SLIT2: variants seen among roughly 807,000 people sequenced by gnomAD.
SLIT2 encodes the protein slit homolog 2 protein.
A neutral mutation model predicts 185.7 loss-of-function variants in SLIT2; 41 were observed. That is an observed-to-expected ratio of 0.22 (90% CI 0.17 to 0.29). The LOEUF is 0.29. Among genes scored for constraint, SLIT2 ranks in the 10% least tolerant of loss-of-function variants. The probability of loss-of-function intolerance (pLI) is 1.00; values close to 1 mark genes in which losing one functional copy is unlikely to be tolerated. For missense variants in SLIT2, 1,571 were observed against 1,909.0 expected (o/e 0.82, Z 3.30); for synonymous variants, 693 against 680.2 (o/e 1.02, Z -0.29).
rs1718082271 is a variant in SLIT2, at chr4:20,311,289, T to A, written c.395+42408T>A. Reference sequence around the variant, plus strand: ...AACAGTTTTAAACTTTGTATCTAATTTTAAAACCATGCTCTTAAAATAAGA... The same window carrying A: ...AACAGTTTTAAACTTTGTATCTAATATTAAAACCATGCTCTTAAAATAAGA... On this transcript the variant is annotated intron_variant, in intron 4 of 36. Transcript: ENST00000504154. 2.0e-5 allele frequency among the ~76,000 whole-genome samples: 3 copies of A among 152,364 alleles called. 1 individual carries two copies. The Middle Eastern group carries it at 0.01, about 518-fold the overall frequency.
At chr4:20,516,691 A>G (rs1235702468) in intron 11 of SLIT2, among the ~76,000 whole-genome samples, 1 of 152,074 alleles carries the variant, frequency 6.6e-6, no homozygotes. Flanking sequence ...TATTTTAACT[A>G]ATTTTCCTTG....
chr4:20,615,334 G>T (rs1729568898), intron 34 of SLIT2: 1 of 152,140 alleles, frequency 6.6e-6, no homozygotes. Flanking sequence ...TCACAGCCAA[G>T]AGACTTCATT....
rs1722111053 is a variant in SLIT2 at position 20,252,398 on chromosome 4, G to A, written c.-1418G>A. 1.3e-5 allele frequency among the ~76,000 whole-genome samples: 2 copies of A among 152,138 alleles called. No homozygotes were observed. The highest frequency in any genetic ancestry group is 1.3e-4 in the Admixed American group (2 of 15,284). On this transcript the variant is annotated 5_prime_UTR_variant, in exon 1 of 37. Coordinates refer to ENST00000504154, the MANE Select transcript of SLIT2 (RefSeq NM_004787.4). ...GGAGGCCAGGAAAGCAGCGGGAGAG[G>A]GGAAGGGGCTAGAAGGAGAAGGACT...
intron 4 of SLIT2, among the ~76,000 whole-genome samples, chr4:20,421,115 T>A (rs1577624405): frequency 1.3e-5 from 2 of 152,198 alleles, no homozygotes; most frequent in East Asian, 3.8e-4. Context: ...ATTAGTAGTG[T>A]CAGCATTTTA....
chr4:20,293,774 G>T (rs1011660796), intron 4 of SLIT2, among the ~76,000 whole-genome samples: 14 of 152,164 alleles, frequency 9.2e-5, no homozygotes, highest in Non-Finnish European at 2.1e-4. Flanking sequence ...AGAGACAGGT[G>T]TCAGATATAT....
chr4:20,325,222 A>G lies in SLIT2; in HGVS notation c.395+56341A>G, dbSNP rs77408343. ...GAAGATGGCTTTCAAACTGCTCTCA[A>G]GTTGATCTTACTTCTGCTCAAGGGA... On this transcript the variant is annotated intron_variant, in intron 4 of 36. Transcript: ENST00000504154. 1.4e-3 allele frequency among the ~76,000 whole-genome samples: 208 copies of G among 151,980 alleles called. 1 individual carries two copies. Among genetic ancestry groups the G allele is most frequent in the African/African-American group, 4.7e-3 (196 of 41,444 alleles).
chr4:20,486,494 A>C (rs1311418828), intron 7 of SLIT2, among the ~76,000 whole-genome samples: 1 of 152,122 alleles, frequency 6.6e-6, no homozygotes, highest in African/African-American at 2.4e-5. Flanking sequence ...TTGGAGTTAA[A>C]AAAAAACAAC....
intron 4 of SLIT2, among the ~76,000 whole-genome samples, chr4:20,444,453 T>C (rs192003284): frequency 7.4e-4 from 113 of 152,222 alleles, no homozygotes; most frequent in African/African-American, 2.6e-3. Context: ...TTTACTGTAG[T>C]TGTGGTAGGT....
At chr4:20,449,044 G>T (rs961829128) in intron 4 of SLIT2, among the ~76,000 whole-genome samples, 4 of 152,052 alleles carry the variant, frequency 2.6e-5, no homozygotes, top group African/African-American at 4.8e-5. Context: ...GTGAATGTTT[G>T]TTGCTTTTCT....
At chr4:20,429,739 A>G (rs1728825583) in intron 4 of SLIT2, among the ~76,000 whole-genome samples, 1 of 152,136 alleles carries the variant, frequency 6.6e-6, no homozygotes, top group Non-Finnish European at 1.5e-5. Flanking sequence ...GAGAGAGAGA[A>G]ATCAGGAAAT....
At chr4:20,316,792 A>T (rs1026318847) in intron 4 of SLIT2, among the ~76,000 whole-genome samples, 2 of 149,118 alleles carry the variant, frequency 1.3e-5, no homozygotes, top group African/African-American at 4.9e-5. Context: ...TTTGGGTAGC[A>T]TTATTATATT....
chr4:20,455,909 G>A (rs769332520), intron 4 of SLIT2, among the ~76,000 whole-genome samples: 1 of 151,930 alleles, frequency 6.6e-6, no homozygotes, highest in Non-Finnish European at 1.5e-5. Flanking sequence ...TTATTTCTAG[G>A]CATTTTTTCA....
chr4:20,328,265 A>G (rs969546395), intron 4 of SLIT2, among the ~76,000 whole-genome samples: 1 of 152,120 alleles, frequency 6.6e-6, no homozygotes, highest in Admixed American at 6.6e-5. Context: ...AATTTGATGA[A>G]TGACACATAG....
chr4:20,383,771 C>T (rs761027333), intron 4 of SLIT2, among the ~76,000 whole-genome samples: 6 of 152,064 alleles, frequency 3.9e-5, no homozygotes, highest in Non-Finnish European at 8.8e-5. Context: ...GGCACAATCT[C>T]GGCTCACTGC....
intron 4 of SLIT2, among the ~76,000 whole-genome samples, chr4:20,369,893 C>G (rs1239605328): frequency 3.3e-5 from 5 of 152,098 alleles, no homozygotes; most frequent in Non-Finnish European, 5.9e-5. Context: ...TTCAAGCTAC[C>G]TTTCTCCCTT....
At chr4:20,449,703 G>A (rs1442220196) in intron 4 of SLIT2, among the ~76,000 whole-genome samples, 7 of 151,966 alleles carry the variant, frequency 4.6e-5, no homozygotes, top group Non-Finnish European at 8.8e-5. Flanking sequence ...CACCGCACCC[G>A]GCCAAAAAAA....
In SLIT2 at chr4:20,528,978, G is replaced by A; in HGVS notation, c.1492G>A (p.Gly498Arg). 6.2e-7 allele frequency: 1 copy of A among 1,613,854 alleles called. No homozygotes were observed. The highest frequency in any genetic ancestry group is 1.1e-5 in the South Asian group (1 of 91,060). Residue 498 changes from glycine (G) to arginine (R), a missense_variant, in exon 16 of 37, where the codon GGA becomes AGA. By Grantham distance (125) the Gly-to-Arg change is moderately radical (BLOSUM62 -2). This residue lies in a region of SLIT2 where 1,202 missense variants were observed against 1,416.4 expected (regional missense o/e 0.85). Coordinates refer to ENST00000504154, the MANE Select transcript of SLIT2 (RefSeq NM_004787.4). This position sits in a 1 kb window ranked among gnomAD's most constrained non-coding sequence, Gnocchi z 4.2. ...AGAAGATTATCGATCAAAATTAAGT[G>A]GAGACTGCTTTGCGGATCTGGCTTG... is the stretch of plus-strand genomic sequence containing the variant. The part of the protein sequence containing the change: ...GTEDYRSKLS[G>R]DCFADLACPE...
Position 20,553,857 on chromosome 4 carries a change from G to A in SLIT2, c.2614G>A (p.Asp872Asn), listed in dbSNP as rs778616117. 3.7e-6 allele frequency: 6 copies of A among 1,607,234 alleles called. No individual in the cohort carries two copies. Among genetic ancestry groups the A allele is most frequent in the South Asian group, 2.2e-5 (2 of 89,468 alleles). The change falls in exon 26 of 37, where the codon GAC becomes AAC. Residue 872 changes from aspartate (D) to asparagine (N), a missense_variant. Around this residue, in one of 3 missense-constraint regions of SLIT2, gnomAD observed 1,202 missense variants for 1,416.4 expected, o/e 0.85. Transcript: ENST00000504154. ...TGATTGTAACATGCAGTGGTTATCC[G>A]ACTGGGTGAAGTCGGAATATAAGGA... Reference protein sequence around the residue: ...YCDCNMQWLSDWVKSEYKEPG... With the variant: ...YCDCNMQWLSNWVKSEYKEPG...
At chr4:20,337,071 A>C (rs1290185379) in intron 4 of SLIT2, among the ~76,000 whole-genome samples, 1 of 152,212 alleles carries the variant, frequency 6.6e-6, no homozygotes, top group African/African-American at 2.4e-5. Flanking sequence ...AAACTACTGC[A>C]ATAGGAAGTA....
Sources: gnomAD v4.1 joint callset for allele counts (sites outside exome capture counted in the v4.1 genomes callset) on GRCh38, gnomAD v4.1.1 for gene constraint, gnomAD v4.1.1 regional missense constraint, Gnocchi (gnomAD v3.1) non-coding constraint, MANE v1.5 for transcripts, NCBI Gene and HGNC (gene_info 2026-07-23, HGNC 2026-07-21) for gene names.